Variants in CYRIB observed in about 807,000 individuals in gnomAD.
The protein encoded by CYRIB is CYFIP related Rac1 interactor B.
In CYRIB, 8 loss-of-function variants were observed where a neutral mutation model predicts 44.2. The ratio of observed to expected loss-of-function variants is 0.18; its 90% CI spans 0.11 to 0.33. CYRIB has a LOEUF of 0.33. Among genes scored for constraint, CYRIB ranks in the 10% least tolerant of loss-of-function variants. The pLI, the probability that CYRIB is intolerant of heterozygous loss-of-function variation, is 1.00. For synonymous variants in CYRIB, 131 were observed against 127.2 expected (o/e 1.03, Z -0.20); for missense variants, 185 against 382.8 (o/e 0.48, Z 4.31).
intron 3 of CYRIB, among the ~76,000 whole-genome samples, chr8:129,872,490 A>G (rs2057670455): frequency 6.6e-6 from 1 of 152,108 alleles, no homozygotes; most frequent in South Asian, 2.1e-4. Context: ...TTGTTTCTCT[A>G]AGGACAAATC....
intron 4 of CYRIB, among the ~76,000 whole-genome samples, chr8:129,868,956 G>C (rs532356103): frequency 6.7e-6 from 1 of 148,972 alleles, no homozygotes; most frequent in Non-Finnish European, 1.5e-5. Context: ...CTAGCACTTT[G>C]GGAGGCTGAG....
chr8:129,875,734 C>A (rs2058878855), intron 3 of CYRIB, among the ~76,000 whole-genome samples: 1 of 152,142 alleles, frequency 6.6e-6, no homozygotes, highest in African/African-American at 2.4e-5. Context: ...CCATGTTGTT[C>A]CTTCTTTCTA....
At chr8:129,983,844 G>A (rs968051642) in intron 1 of CYRIB, among the ~76,000 whole-genome samples, 1 of 152,238 alleles carries the variant, frequency 6.6e-6, no homozygotes, top group African/African-American at 2.4e-5. Flanking sequence ...CCGGGTGCAA[G>A]AGGCCGAAGC....
chr8:129,981,984 C>T, intron 1 of CYRIB, among the ~76,000 whole-genome samples: 1 of 152,320 alleles, frequency 6.6e-6, no homozygotes, highest in Non-Finnish European at 1.5e-5. Flanking sequence ...GTGGGCATTC[C>T]TCTTTGTGTC....
intron 5 of CYRIB, among the ~76,000 whole-genome samples, chr8:129,861,861 C>T (rs1402994829): frequency 6.6e-6 from 1 of 152,144 alleles, no homozygotes; most frequent in Admixed American, 6.6e-5. Flanking sequence ...TATGAGAAAT[C>T]ACTTGGTAGA....
chr8:129,855,581 G>A (rs200833467), intron 6 of CYRIB, 30 bp downstream of exon 8: 96 of 1,610,858 alleles, frequency 6.0e-5, no homozygotes, highest in East Asian at 8.9e-5. Context: ...CATGATTTTC[G>A]TAACAATCAG....
At chr8:129,863,515 A>G (rs2051205932) in intron 4 of CYRIB, among the ~76,000 whole-genome samples, 1 of 151,028 alleles carries the variant, frequency 6.6e-6, no homozygotes, top group African/African-American at 2.4e-5. Flanking sequence ...ATAGAGCGAG[A>G]CTCTGTCTTA....
At chr8:129,875,034 T>C (rs894533998) in intron 3 of CYRIB, among the ~76,000 whole-genome samples, 1 of 152,184 alleles carries the variant, frequency 6.6e-6, no homozygotes, top group Non-Finnish European at 1.5e-5. Flanking sequence ...GAGTCAAGTT[T>C]AAAAAATACT....
intron 3 of CYRIB, among the ~76,000 whole-genome samples, chr8:129,875,857 T>C (rs1464444299): frequency 6.6e-6 from 1 of 152,142 alleles, no homozygotes; most frequent in Non-Finnish European, 1.5e-5. Context: ...CCCACACCTG[T>C]AATCCCAGCA....
At chr8:129,974,520 G>A (rs1385914627) in intron 1 of CYRIB, among the ~76,000 whole-genome samples, 1 of 151,864 alleles carries the variant, frequency 6.6e-6, no homozygotes, top group Non-Finnish European at 1.5e-5. Flanking sequence ...ATTGTTTTAG[G>A]GATTGGATAT....
At chr8:129,852,839 T>A (rs1224606075) in intron 7 of CYRIB, among the ~76,000 whole-genome samples, 1 of 152,134 alleles carries the variant, frequency 6.6e-6, no homozygotes, top group East Asian at 1.9e-4. Flanking sequence ...CAGGTTGGGG[T>A]CAGACTGTAT....
chr8:129,874,339 C>T (rs960037342), intron 3 of CYRIB, among the ~76,000 whole-genome samples: 11 of 151,970 alleles, frequency 7.2e-5, no homozygotes, highest in Admixed American at 4.6e-4. Flanking sequence ...ATTAACTTCA[C>T]ACTAATTTCT....
At chr8:129,873,297 G>A (rs557727371) in intron 3 of CYRIB, among the ~76,000 whole-genome samples, 1 of 151,888 alleles carries the variant, frequency 6.6e-6, no homozygotes, top group South Asian at 2.1e-4. Context: ...TTATCACTAG[G>A]AACAAATACT....
exon 4 of CYRIB, chr8:129,871,444 T>C (rs369865892): frequency 1.2e-5 from 19 of 1,611,632 alleles, no homozygotes; most frequent in African/African-American, 9.4e-5. Context: ...CATCTTTTAA[T>C]ACTACATTCA....
At chr8:129,898,990 A>G (rs1272181956) in intron 2 of CYRIB, among the ~76,000 whole-genome samples, 1 of 152,020 alleles carries the variant, frequency 6.6e-6, no homozygotes, top group Non-Finnish European at 1.5e-5. Flanking sequence ...CACCCTCCCA[A>G]GTAGCTGGGA....
At chr8:129,976,410 T>C (rs570906539) in intron 1 of CYRIB, among the ~76,000 whole-genome samples, 1 of 152,252 alleles carries the variant, frequency 6.6e-6, no homozygotes, top group Non-Finnish European at 1.5e-5. Flanking sequence ...TTTTCTAAAC[T>C]AGACTGAAAT....
At chr8:129,898,076 T>A (rs896435995) in intron 2 of CYRIB, among the ~76,000 whole-genome samples, 5 of 116,798 alleles carry the variant, frequency 4.3e-5, no homozygotes, top group African/African-American at 1.3e-4. Flanking sequence ...AATCTAAAAA[T>A]TTTTTTTAAG....
At chr8:129,971,710 A>C (rs1384398104) in intron 1 of CYRIB, among the ~76,000 whole-genome samples, 1 of 152,158 alleles carries the variant, frequency 6.6e-6, no homozygotes, top group African/African-American at 2.4e-5. Context: ...GCTCAGTTCA[A>C]CTTGAGTTTA....
At chr8:129,914,843 A>G (rs1004652329) in intron 1 of CYRIB, among the ~76,000 whole-genome samples, 7 of 152,262 alleles carry the variant, frequency 4.6e-5, no homozygotes, top group African/African-American at 1.7e-4. Context: ...GCCTGTATAC[A>G]CAACTTTCAC....
Sources: gnomAD v4.1 joint callset for allele counts (sites outside exome capture counted in the v4.1 genomes callset) on GRCh38, gnomAD v4.1.1 for gene constraint, MANE v1.5 for transcripts, NCBI Gene and HGNC (gene_info 2026-07-23, HGNC 2026-07-21) for gene names.